The following MCTP2 variants were observed in gnomAD, a reference collection of about 807,000 sequenced individuals.
The protein encoded by MCTP2 is multiple C2 and transmembrane domain-containing protein 2.
In MCTP2, 132 loss-of-function variants were observed where a neutral mutation model predicts 111.6. That is an observed-to-expected ratio of 1.18 (90% CI 1.03 to 1.37). The LOEUF (loss-of-function observed/expected upper bound fraction) is 1.37. Among genes scored for constraint, MCTP2 ranks in the 40% most tolerant of loss-of-function variants. The pLI, the probability that MCTP2 is intolerant of heterozygous loss-of-function variation, is 0.00. For synonymous variants in MCTP2, 395 were observed against 387.7 expected (o/e 1.02, Z -0.22); for missense variants, 1,183 against 1,067.9 (o/e 1.11, Z -1.50).
intron 19 of MCTP2, among the ~76,000 whole-genome samples, chr15:94,456,934 A>G (rs947072098): frequency 3.9e-5 from 6 of 152,162 alleles, no homozygotes; most frequent in Non-Finnish European, 5.9e-5. Flanking sequence ...CGCAATCCCT[A>G]TTGGTAGTGG....
At chr15:94,444,607 T>A (rs2084012920) in intron 19 of MCTP2, among the ~76,000 whole-genome samples, 2 of 152,218 alleles carry the variant, frequency 1.3e-5, no homozygotes, top group Non-Finnish European at 2.9e-5. Context: ...TCATCTCTCT[T>A]GCTCTGGAGC....
intron 20 of MCTP2, among the ~76,000 whole-genome samples, chr15:94,463,586 G>T (rs1035012777): frequency 1.5e-4 from 23 of 151,858 alleles, no homozygotes; most frequent in African/African-American, 5.6e-4. Flanking sequence ...TTCTTGACTT[G>T]CTGTACTGGC....
intron 1 of MCTP2, among the ~76,000 whole-genome samples, chr15:94,278,913 G>C (rs548704482): frequency 6.6e-6 from 1 of 152,184 alleles, no homozygotes; most frequent in African/African-American, 2.4e-5. Context: ...TTTCTCCATT[G>C]CTTGTTATTG....
intron 20 of MCTP2, among the ~76,000 whole-genome samples, chr15:94,468,815 A>C (rs1020389018): frequency 6.6e-6 from 1 of 152,064 alleles, no homozygotes; most frequent in African/African-American, 2.4e-5. Context: ...TTTAGTAGAG[A>C]TGAGATTTCA....
chr15:94,289,125 T>G (rs1427206963), intron 1 of MCTP2, among the ~76,000 whole-genome samples: 1 of 152,126 alleles, frequency 6.6e-6, no homozygotes, highest in East Asian at 1.9e-4. Context: ...GCTGAAACAT[T>G]GATAGATTCA....
At position 94,356,134 on chromosome 15, in the gene MCTP2, T is replaced by C. The variant is rs750912279; in HGVS notation, c.1006-3T>C. ...TACATGTCATCTTTATTTTTTGCTT[T>C]AGTCCTCTTTGATACGCAACCTACG... On this transcript the variant is annotated splice_polypyrimidine_tract_variant and splice_region_variant and intron_variant, in intron 8 of 22. Transcript: ENST00000357742. The C allele has an allele frequency of 5.1e-6, 8 of 1,575,884 alleles. No homozygotes were observed. The African/African-American group carries it at 1.1e-4, about 22-fold the overall frequency.
At position 94,467,452 on chromosome 15, in the gene MCTP2, A is replaced by G. The variant is rs533490399; in HGVS notation, c.2361-2881A>G. Among the ~76,000 whole-genome samples, 58 of 152,090 alleles carry G rather than the reference A, an allele frequency of 3.8e-4. 1 individual carries two copies. Among genetic ancestry groups the G allele is most frequent in the African/African-American group, 1.4e-3 (57 of 41,438 alleles). ...ATCAAATATGACCAATGGAATATAA[A>G]GTCTTTATTTTATATATGTACATTA... On this transcript the variant is annotated intron_variant, in intron 20 of 22. Coordinates refer to ENST00000357742, the MANE Select transcript of MCTP2 (RefSeq NM_001385001.1).
intron 1 of MCTP2, among the ~76,000 whole-genome samples, chr15:94,272,641 GC>G (rs1363852225): frequency 1.3e-5 from 2 of 152,064 alleles, no homozygotes; most frequent in Non-Finnish European, 2.9e-5. Flanking sequence ...TCTCCAAACA[GC>G]ACTTGAGACT....
In MCTP2 at chr15:94,385,438, C is replaced by T; in HGVS notation, c.1701C>T (p.Ile567=). Residue 567 remains isoleucine (I), a synonymous_variant, in exon 14 of 23, where the codon ATC becomes ATT. Transcript: ENST00000357742. Reference sequence around the variant, plus strand: ...TTTGTTACAGTCCCATTAAAGATATCCATGATGTTTTGGAAGTGACAGTGT... The same window carrying T: ...TTTGTTACAGTCCCATTAAAGATATTCATGATGTTTTGGAAGTGACAGTGT... The part of the protein sequence containing the change: ...NKVFTFPIKD[I]HDVLEVTVFD... 1.2e-6 allele frequency: 2 copies of T among 1,611,806 alleles called. No individual in the cohort carries two copies. Among genetic ancestry groups the T allele is most frequent in the South Asian group, 1.1e-5 (1 of 91,028 alleles).
chr15:94,319,643 T>C (rs1166199788), intron 4 of MCTP2, among the ~76,000 whole-genome samples: 1 of 152,150 alleles, frequency 6.6e-6, no homozygotes, highest in Non-Finnish European at 1.5e-5. Flanking sequence ...AACCCATGCT[T>C]CTCCTTAGAG....
At chr15:94,328,434 G>A (rs1301809354) in intron 4 of MCTP2, among the ~76,000 whole-genome samples, 1 of 152,140 alleles carries the variant, frequency 6.6e-6, no homozygotes, top group Non-Finnish European at 1.5e-5. Context: ...GGCCTATCAA[G>A]TGTTTATTTC....
At chr15:94,272,983 C>G (rs535367056) in intron 1 of MCTP2, among the ~76,000 whole-genome samples, 1 of 152,288 alleles carries the variant, frequency 6.6e-6, no homozygotes, top group Admixed American at 6.5e-5. Flanking sequence ...TGTGGCTTTT[C>G]CAGCTGGACT....
At chr15:94,309,490 T>C (rs769913612) in intron 2 of MCTP2, among the ~76,000 whole-genome samples, 5 of 152,218 alleles carry the variant, frequency 3.3e-5, no homozygotes, top group Admixed American at 6.5e-5. Flanking sequence ...AGTGACTGCT[T>C]ACCTAATTTT....
chr15:94,466,568 A>AATATGTAAG (rs1172047087), intron 20 of MCTP2, among the ~76,000 whole-genome samples: 1 of 152,102 alleles, frequency 6.6e-6, no homozygotes, highest in East Asian at 1.9e-4. Context: ...TCTTATCCTG[A>AATATGTAAG]ATATGTAAGC....
chr15:94,370,334 A>G (rs1220777805), intron 12 of MCTP2, among the ~76,000 whole-genome samples, 154 bp downstream of exon 12: 2 of 152,218 alleles, frequency 1.3e-5, no homozygotes, highest in South Asian at 4.1e-4. Flanking sequence ...AGACTTGAGC[A>G]ATTTCTTTCA....
At chr15:94,389,054 T>C (rs1010566698) in intron 14 of MCTP2, among the ~76,000 whole-genome samples, 2 of 152,124 alleles carry the variant, frequency 1.3e-5, no homozygotes, top group African/African-American at 4.8e-5. Context: ...AATAAACACG[T>C]AAGACCCAAA....
intron 4 of MCTP2, among the ~76,000 whole-genome samples, chr15:94,327,263 C>G (rs1255962600): frequency 6.6e-6 from 1 of 152,086 alleles, no homozygotes; most frequent in African/African-American, 2.4e-5. Context: ...TACTTAGTTT[C>G]TGGCCCAGAG....
intron 18 of MCTP2, among the ~76,000 whole-genome samples, chr15:94,441,174 A>G (rs1354923061): frequency 6.6e-6 from 1 of 152,200 alleles, no homozygotes; most frequent in Non-Finnish European, 1.5e-5. Context: ...TGTCCTCATA[A>G]TGGATTTAAG....
intron 12 of MCTP2, among the ~76,000 whole-genome samples, chr15:94,382,533 G>A (rs567604732): frequency 4.5e-4 from 69 of 152,360 alleles, no homozygotes; most frequent in African/African-American, 1.5e-3. Context: ...ACTATTCATC[G>A]CCCATGCGTC....
Sources: gnomAD v4.1 joint callset for allele counts (sites outside exome capture counted in the v4.1 genomes callset) on GRCh38, gnomAD v4.1.1 for gene constraint, MANE v1.5 for transcripts, NCBI Gene and HGNC (gene_info 2026-07-23, HGNC 2026-07-21) for gene names.